Variants in STARD9 observed in about 807,000 individuals in gnomAD.
STARD9 encodes StAR related lipid transfer domain containing 9, also known as stAR-related lipid transfer protein 9.
A neutral mutation model predicts 399.8 loss-of-function variants in STARD9; 346 were observed. The ratio of observed to expected loss-of-function variants is 0.87; its 90% CI spans 0.79 to 0.95. STARD9 has a LOEUF of 0.95. Ranked by LOEUF, STARD9 falls within the 40% of genes least tolerant of loss-of-function variation. The probability of loss-of-function intolerance (pLI) is 0.00; values close to 1 mark genes in which losing one functional copy is unlikely to be tolerated. For missense variants in STARD9, 5,832 were observed against 5,667.5 expected, an observed-to-expected ratio of 1.03 and a Z score of -0.93; for synonymous variants, 2,203 against 2,143.5, an observed-to-expected ratio of 1.03 and a Z score of -0.77.
Position 42,693,696 on chromosome 15 carries a change from G to C in STARD9, c.12118G>C (p.Glu4040Gln). ...SFVPEKVASP[E>Q]HCPLSGREPS... The stretch of plus-strand genomic sequence containing the variant: ...TGTGCCTGAGAAGGTGGCTTCCCCG[G>C]AGCATTGCCCACTGAGCGGTAGGGA... The change falls in exon 23 of 33, where the codon GAG becomes CAG. Residue 4040 changes from glutamate (E) to glutamine (Q), a missense_variant. Coordinates refer to ENST00000290607, the MANE Select transcript of STARD9 (RefSeq NM_020759.3). 6.5e-7 allele frequency: 1 copy of C among 1,537,150 alleles called. No individual in the cohort carries two copies. Among genetic ancestry groups the C allele is most frequent in the Non-Finnish European group, 8.7e-7 (1 of 1,146,930 alleles).
intron 26 of STARD9, among the ~76,000 whole-genome samples, chr15:42,710,614 G>A (rs1343089112): frequency 2.0e-5 from 3 of 152,066 alleles, no homozygotes; most frequent in Non-Finnish European, 2.9e-5. Flanking sequence ...TTCTCCTAGC[G>A]GAATGTTTTC....
At chr15:42,710,052 C>G (rs1017005989) in intron 26 of STARD9, among the ~76,000 whole-genome samples, 1 of 148,680 alleles carries the variant, frequency 6.7e-6, no homozygotes, top group Admixed American at 6.7e-5. Flanking sequence ...TTTGACATGC[C>G]CTGTCTTTTT....
At chr15:42,711,275 G>A (rs554600664) in intron 26 of STARD9, among the ~76,000 whole-genome samples, 27 of 152,070 alleles carry the variant, frequency 1.8e-4, no homozygotes, top group African/African-American at 6.3e-4. Context: ...AGGTAGCTGG[G>A]ATTACAGGCA....
chr15:42,680,876 T>C (rs2060413459), intron 20 of STARD9, among the ~76,000 whole-genome samples: 1 of 152,104 alleles, frequency 6.6e-6, no homozygotes, highest in African/African-American at 2.4e-5. Flanking sequence ...CAGCTCTCCT[T>C]TGGGTCACAC....
At position 42,687,882 on chromosome 15, in the gene STARD9, G is replaced by A. The variant is rs2060600187; in HGVS notation, c.6304G>A (p.Asp2102Asn). ...QEKTDHAFRP[D>N]SSGNPLPSKD... is the part of the protein sequence containing the mutation. The stretch of plus-strand genomic sequence containing the variant: ...GAAGACTGACCATGCCTTTAGGCCA[G>A]ACAGCTCTGGAAACCCTTTGCCCTC... The change falls in exon 23 of 33, where the codon GAC (aspartate) becomes AAC (asparagine). Residue 2102 changes from aspartate (D) to asparagine (N), a missense_variant. Physicochemically the swap from Asp to Asn is conservative, Grantham distance 23. This residue lies in a region of STARD9 where 5,828 missense variants were observed against 5,651.1 expected (regional missense o/e 1.03). Transcript: ENST00000290607. The A allele has an allele frequency of 1.3e-6, 2 of 1,537,100 alleles. No homozygotes were observed. Among genetic ancestry groups the A allele is most frequent in the Admixed American group, 3.9e-5 (2 of 50,978 alleles).
intron 9 of STARD9, among the ~76,000 whole-genome samples, chr15:42,655,143 G>A (rs920939645): frequency 7.9e-5 from 12 of 152,116 alleles, no homozygotes; most frequent in South Asian, 2.1e-4. Flanking sequence ...TTAGCTGGGC[G>A]TGATGGCAGG....
In STARD9 at chr15:42,693,876, C is replaced by T. The variant is rs1051727244; in HGVS notation, c.12298C>T (p.Arg4100Ter). ...VSELTDTAGLRGSALGLPQAC... is the reference protein window; with the variant it reads ...VSELTDTAGL The stretch of plus-strand genomic sequence containing the variant: ...TGAGTTGACTGATACTGCAGGGCTC[C>T]GAGGTTCTGCCTTGGGCCTCCCTCA... Residue 4100 changes from arginine (R) to a stop codon, truncating the protein, a stop_gained, in exon 23 of 33, where the codon CGA becomes TGA. Coordinates refer to ENST00000290607, the MANE Select transcript of STARD9 (RefSeq NM_020759.3). LOFTEE classifies it high-confidence loss of function. 1.2e-5 allele frequency: 18 copies of T among 1,534,430 alleles called. No individual in the cohort carries two copies. The highest frequency in any genetic ancestry group is 1.4e-5 in the African/African-American group (1 of 73,008).
chr15:42,652,358 C>T (rs2059779126), intron 8 of STARD9, among the ~76,000 whole-genome samples, 162 bp from the exon 9 acceptor site: 1 of 152,064 alleles, frequency 6.6e-6, no homozygotes, highest in Non-Finnish European at 1.5e-5. Context: ...TGCTTCTGCC[C>T]TCTTTGGACT....
intron 1 of STARD9, 135 bp downstream of exon 1, chr15:42,575,897 C>T: frequency 2.1e-6 from 2 of 965,344 alleles, no homozygotes; most frequent in Non-Finnish European, 3.2e-6. Context: ...GGTCCGGAAT[C>T]CACGGAGGCC....
intron 3 of STARD9, among the ~76,000 whole-genome samples, chr15:42,603,991 A>C (rs1056805962): frequency 6.6e-6 from 1 of 152,138 alleles, no homozygotes; most frequent in African/African-American, 2.4e-5. Context: ...CTAATGTGTT[A>C]GTTTTACAAA....
At chr15:42,622,246 C>T (rs774419859) in intron 3 of STARD9, among the ~76,000 whole-genome samples, 1 of 151,910 alleles carries the variant, frequency 6.6e-6, no homozygotes, top group South Asian at 2.1e-4. Flanking sequence ...GCACTCCAGC[C>T]TGGGAGACAG....
intron 3 of STARD9, among the ~76,000 whole-genome samples, chr15:42,630,638 G>A (rs186278046): frequency 1.9e-4 from 29 of 152,116 alleles, no homozygotes; most frequent in African/African-American, 6.3e-4. Context: ...TTTGGATTTC[G>A]TCATGGTTCA....
chr15:42,673,415 C>T (rs1024572672), intron 16 of STARD9, among the ~76,000 whole-genome samples: 3 of 151,926 alleles, frequency 2.0e-5, no homozygotes, highest in Admixed American at 6.6e-5. Context: ...AAAAACAAAA[C>T]AAAATAAACA....
chr15:42,659,692 A>G (rs562783381), intron 9 of STARD9, among the ~76,000 whole-genome samples: 8 of 152,170 alleles, frequency 5.3e-5, no homozygotes, highest in African/African-American at 1.9e-4. Flanking sequence ...CGCTTGGCTA[A>G]TTTTTGTATT....
rs2060631911 is a variant in STARD9 at position 42,689,191 on chromosome 15, TG to T, written c.7614del (p.Leu2539TrpfsTer44). 5 of 1,537,240 alleles carry T rather than the reference TG, an allele frequency of 3.3e-6. No individual in the cohort carries two copies. Among genetic ancestry groups the T allele is most frequent in the Non-Finnish European group, 4.4e-6 (5 of 1,146,902 alleles). Reference protein sequence around the residue: ...LPRVPSPEPRLLEPSDHASMC... With the variant: ...LPRVPSPEPRXLEPSDHASMC... ...AGGGTGCCCAGTCCAGAGCCTAGGC[TG>T]TTGGAGCCCTCTGACCATGCATCCA... is the stretch of plus-strand genomic sequence containing the variant. On this transcript the variant is annotated frameshift_variant, in exon 23 of 33. Coordinates refer to ENST00000290607, the MANE Select transcript of STARD9 (RefSeq NM_020759.3). LOFTEE classifies it high-confidence loss of function.
intron 3 of STARD9, among the ~76,000 whole-genome samples, chr15:42,613,201 ATTTTC>A (rs1236821975): frequency 2.0e-5 from 3 of 151,858 alleles, no homozygotes; most frequent in Admixed American, 6.6e-5. Flanking sequence ...CCTATTTGTT[ATTTTC>A]TTTTTCTTTC....
rs80069920 is a variant in STARD9 at position 42,606,630 on chromosome 15, AT to A, written c.234+21008del. Among the ~76,000 whole-genome samples, 909 of 135,820 alleles carry A rather than the reference AT, an allele frequency of 6.7e-3. 3 individuals are homozygous for A. Among genetic ancestry groups the A allele is most frequent in the African/African-American group, 8.0e-3 (296 of 36,822 alleles). 89.1% of individuals were successfully genotyped at this position (135,820 alleles called of 152,430 possible). ...ACCACCACACCCAGCTAATTTTTGT[AT>A]TTTTTTTTTTTTTTAAGATGGAGTT... On this transcript the variant is annotated intron_variant, in intron 3 of 32. Coordinates refer to ENST00000290607, the MANE Select transcript of STARD9 (RefSeq NM_020759.3).
At chr15:42,697,523 T>G (rs967757097) in intron 26 of STARD9, among the ~76,000 whole-genome samples, 3 of 152,180 alleles carry the variant, frequency 2.0e-5, no homozygotes, top group African/African-American at 7.2e-5. Context: ...CACATACAGG[T>G]TGAGCATCCC....
At chr15:42,606,291 C>A (rs749690861) in intron 3 of STARD9, among the ~76,000 whole-genome samples, 1 of 152,178 alleles carries the variant, frequency 6.6e-6, no homozygotes, top group Non-Finnish European at 1.5e-5. Flanking sequence ...TCTGTGCTAA[C>A]CTCTAATACT....
Sources: gnomAD v4.1 joint callset for allele counts (sites outside exome capture counted in the v4.1 genomes callset) on GRCh38, gnomAD v4.1.1 for gene constraint, gnomAD v4.1.1 regional missense constraint, MANE v1.5 for transcripts, NCBI Gene and HGNC (gene_info 2026-07-23, HGNC 2026-07-21) for gene names.